DKC1: variants seen among roughly 807,000 people sequenced by gnomAD.
DKC1 encodes the protein dyskerin pseudouridine synthase 1, also known as H/ACA ribonucleoprotein complex subunit DKC1.
DKC1 carries 4 observed loss-of-function variants against 46.7 expected under a neutral mutation model. The observed-to-expected ratio is 0.09, with a 90% confidence interval of 0.04 to 0.20. DKC1 has a LOEUF of 0.20. Ranked by LOEUF, DKC1 falls within the 10% of genes least tolerant of loss-of-function variation. The pLI is 1.00. For synonymous variants in DKC1, 141 were observed against 142.4 expected (o/e 0.99, Z 0.07); for missense variants, 171 against 404.2 (o/e 0.42, Z 4.95).
Position 154,768,624 on chromosome X carries a change from G to A in DKC1, c.771+192G>A, listed in dbSNP as rs138465224. The A allele has an allele frequency of 6.9e-6, 4 of 579,534 alleles. No homozygotes were observed. In the South Asian group the frequency reaches 7.2e-5, roughly 10 times the overall value. 47.8% of individuals were successfully genotyped at this position (579,534 alleles called of 1,213,427 possible). On this transcript the variant is annotated intron_variant, in intron 8 of 14. Transcript: ENST00000369550. ...GCTAAGGGAGATGATTGGGTAGAAA[G>A]TATTATTCTATTCATTTGCCTCCCA...
intron 9 of DKC1, among the ~76,000 whole-genome samples, chrX:154,770,170 T>G (rs1195407223): frequency 9.0e-5 from 10 of 111,467 alleles, no homozygotes; most frequent in African/African-American, 3.3e-4. Context: ...TATTTTTATG[T>G]TTCAAATGAA....
rs782193589 is a variant in DKC1 at position 154,767,368 on chromosome X, C to T, written c.626C>T (p.Pro209Leu). ...IYESKMIEYDPERRLGIFWVS... is the reference protein window; with the variant it reads ...IYESKMIEYDLERRLGIFWVS... ...GAGAGCAAAATGATTGAATACGATC[C>T]TGAAAGAAGATTAGGTGAGTCATTA... The change falls in exon 7 of 15, where the codon CCT becomes CTT. Residue 209 changes from proline (P) to leucine (L), a missense_variant. Physicochemically the swap from Pro to Leu is moderately conservative, Grantham distance 98. This residue lies in a region of DKC1 where 60 missense variants were observed against 206.5 expected (regional missense o/e 0.29). Transcript: ENST00000369550. 1 of 1,211,649 alleles carries T rather than the reference C, an allele frequency of 8.3e-7. No individual in the cohort carries two copies. Among genetic ancestry groups the T allele is most frequent in the Non-Finnish European group, 1.1e-6 (1 of 895,418 alleles).
chrX:154,776,873 G>A lies in DKC1; in HGVS notation c.*6G>A, dbSNP rs1800533. ...TAGAATTGGTTTCTGAGTAGTGAAG[G>A]CCACTTGAAGCTGGAGGAGAAACTA... On this transcript the variant is annotated 3_prime_UTR_variant, in exon 15 of 15. Transcript: ENST00000369550. The A allele has an allele frequency of 0.11, 126,755 of 1,182,442 alleles. 5,806 individuals are homozygous for A. Among genetic ancestry groups the A allele is most frequent in the South Asian group, 0.36 (19,706 of 54,986 alleles).
intron 6 of DKC1, 66 bp downstream of exon 6, chrX:154,767,127 G>T (rs2071756000): frequency 1.7e-6 from 2 of 1,180,106 alleles, no homozygotes; most frequent in East Asian, 5.9e-5. Context: ...TAAACATCTG[G>T]AGATGGGTTA....
chrX:154,768,757 G>A (rs1195908438), intron 8 of DKC1: 13 of 332,532 alleles, frequency 3.9e-5, no homozygotes, highest in South Asian at 2.1e-4. Context: ...AGGCCGAGGC[G>A]GGTGGATCAT....
chrX:154,764,982 T>C lies in DKC1; in HGVS notation c.84+16T>C. 8.6e-7 allele frequency: 1 copy of C among 1,158,599 alleles called. No homozygotes were observed. Among genetic ancestry groups the C allele is most frequent in the Non-Finnish European group, 1.2e-6 (1 of 847,350 alleles). ...AGATGTAGCCGTGAGTAGTAATGTG[T>C]TTGACTTCACTTTGACTAAAAAGAA... On this transcript the variant is annotated intron_variant, in intron 2 of 14. Coordinates refer to ENST00000369550, the MANE Select transcript of DKC1 (RefSeq NM_001363.5).
At chrX:154,763,032 C>T (rs782562038) in intron 1 of DKC1, 51 bp downstream of exon 1, 3 of 1,047,639 alleles carry the variant, frequency 2.9e-6, no homozygotes, top group South Asian at 4.0e-5. Context: ...ACTCGGGGAA[C>T]GGGGGTGGGG....
intron 13 of DKC1, 94 bp from the exon 14 acceptor site, chrX:154,776,093 T>A: frequency 9.2e-7 from 1 of 1,082,414 alleles, no homozygotes; most frequent in Non-Finnish European, 1.3e-6. Context: ...TCAGTTGGGA[T>A]CTTTCTTGGT....
At chrX:154,765,613 C>A in intron 3 of DKC1, 83 bp downstream of exon 3, 1 of 783,462 alleles carries the variant, frequency 1.3e-6, no homozygotes, top group Non-Finnish European at 2.0e-6. Context: ...AGAATGCTTA[C>A]TGCTGGCATC....
At chrX:154,763,242 C>T (rs1431853546) in intron 1 of DKC1, among the ~76,000 whole-genome samples, 1 of 112,397 alleles carries the variant, frequency 8.9e-6, no homozygotes, top group Non-Finnish European at 1.9e-5. Flanking sequence ...CGTCGAAAGA[C>T]ATCTGCCGTG....
chrX:154,764,010 A>G (rs1302199206), intron 1 of DKC1, among the ~76,000 whole-genome samples: 3 of 109,697 alleles, frequency 2.7e-5, no homozygotes, highest in Non-Finnish European at 5.7e-5. Flanking sequence ...AATACAAAAA[A>G]TTTAGGTGGG....
At chrX:154,769,778 C>T (rs1181100727) in intron 9 of DKC1, among the ~76,000 whole-genome samples, 1 of 112,294 alleles carries the variant, frequency 8.9e-6, no homozygotes, top group Non-Finnish European at 1.9e-5. Flanking sequence ...GTAATAAATA[C>T]TGAAAGATGG....
At chrX:154,771,481 C>G (rs1320680378) in intron 10 of DKC1, among the ~76,000 whole-genome samples, 1 of 106,250 alleles carries the variant, frequency 9.4e-6, no homozygotes, top group African/African-American at 3.5e-5. Context: ...CCATGCCGGG[C>G]CTGATTTTTT....
chrX:154,774,032 C>T (rs1271046016), intron 11 of DKC1, among the ~76,000 whole-genome samples: 3 of 112,476 alleles, frequency 2.7e-5, no homozygotes, highest in Admixed American at 1.9e-4. Context: ...GTTTCACCAC[C>T]ACAGCCTTGT....
chrX:154,776,376 G>T (rs1459230399), intron 14 of DKC1, 52 bp downstream of exon 14: 1 of 1,153,380 alleles, frequency 8.7e-7, no homozygotes, highest in Non-Finnish European at 1.2e-6. Flanking sequence ...CCTGCGTGGG[G>T]AAAGAATTAC....
At position 154,767,073 on chromosome X, in the gene DKC1, A is replaced by G. The variant is rs782429056; in HGVS notation, c.513+12A>G. The G allele has an allele frequency of 5.8e-6, 7 of 1,204,852 alleles. No individual in the cohort carries two copies. The highest frequency in any genetic ancestry group is 5.3e-5 in the African/African-American group (3 of 56,972). On this transcript the variant is annotated intron_variant, in intron 6 of 14. Coordinates refer to ENST00000369550, the MANE Select transcript of DKC1 (RefSeq NM_001363.5). ...CCCAGCTTTCTAGGGTAAGTCTGCAATTGTAGGGAGGACACCCTTTGTTGA... is the reference window on the plus strand; with the variant it reads ...CCCAGCTTTCTAGGGTAAGTCTGCAGTTGTAGGGAGGACACCCTTTGTTGA...
intron 9 of DKC1, among the ~76,000 whole-genome samples, chrX:154,770,467 T>TAAAA (rs150045442): frequency 1.5e-5 from 1 of 67,788 alleles, no homozygotes; most frequent in Non-Finnish European, 2.6e-5. Context: ...GCCTGAAAAT[T>TAAAA]AAAAAAAAAA....
chrX:154,763,906 C>G (rs2071712622), intron 1 of DKC1, among the ~76,000 whole-genome samples: 1 of 111,613 alleles, frequency 9.0e-6, no homozygotes, highest in African/African-American at 3.3e-5. Context: ...CGCGGTGGCT[C>G]AGGCCTGTGA....
At chrX:154,773,988 T>C (rs2148515987) in intron 11 of DKC1, among the ~76,000 whole-genome samples, 1 of 111,945 alleles carries the variant, frequency 8.9e-6, no homozygotes, top group East Asian at 2.8e-4. Context: ...TTCTTTTGTT[T>C]GGCATTGTTG....
Sources: allele counts gnomAD v4.1 joint callset (sites outside exome capture counted in the v4.1 genomes callset), GRCh38; gene constraint gnomAD v4.1.1; regional missense constraint gnomAD v4.1.1; transcripts MANE v1.5; gene names NCBI Gene and HGNC (gene_info 2026-07-23, HGNC 2026-07-21).